The following MEGF11 variants were observed in gnomAD, a reference collection of about 807,000 sequenced individuals.
The protein encoded by MEGF11 is multiple epidermal growth factor-like domains protein 11.
MEGF11 carries 126 observed loss-of-function variants against 146.6 expected under a neutral mutation model. The observed-to-expected ratio is 0.86, with a 90% CI of 0.74 to 1.00. The LOEUF is 1.00. Ranked by LOEUF, MEGF11 falls within the 50% of genes least tolerant of loss-of-function variation. The pLI is 0.00. For missense variants in MEGF11, 1,509 were observed against 1,521.2 expected (o/e 0.99, Z 0.13); for synonymous variants, 532 against 583.4 (o/e 0.91, Z 1.27).
intron 5 of MEGF11, among the ~76,000 whole-genome samples, chr15:66,043,794 A>T (rs932897745): frequency 3.2e-4 from 48 of 152,232 alleles, no homozygotes; most frequent in African/African-American, 1.1e-3. Context: ...TTGAAGATGA[A>T]AAAGACCCAA....
chr15:65,923,043 CAG>C, intron 13 of MEGF11, 74 bp from the exon 14 acceptor site: 1 of 1,519,590 alleles, frequency 6.6e-7, no homozygotes. Context: ...GGAAGGGGGA[CAG>C]TGCAGTATGA....
chr15:66,198,484 G>GT (rs1310610694), intron 1 of MEGF11, among the ~76,000 whole-genome samples: 1 of 152,086 alleles, frequency 6.6e-6, no homozygotes, highest in Non-Finnish European at 1.5e-5. Context: ...TTTCTTTTTT[G>GT]TTTTTTGTTT....
chr15:66,015,091 C>A (rs1306137125), intron 5 of MEGF11, among the ~76,000 whole-genome samples: 1 of 152,210 alleles, frequency 6.6e-6, no homozygotes, highest in Non-Finnish European at 1.5e-5. Flanking sequence ...GATGTGCACA[C>A]TTGACTCTCA....
chr15:66,037,647 T>C (rs894132783), intron 5 of MEGF11, among the ~76,000 whole-genome samples: 5 of 152,172 alleles, frequency 3.3e-5, no homozygotes, highest in African/African-American at 7.2e-5. Flanking sequence ...GCTCTGAAAC[T>C]CAATTGGGGC....
At chr15:66,103,174 G>T (rs563396787) in intron 4 of MEGF11, among the ~76,000 whole-genome samples, 1 of 152,170 alleles carries the variant, frequency 6.6e-6, no homozygotes, top group East Asian at 1.9e-4. Flanking sequence ...GGGTCAGACC[G>T]GCAGCTGCAG....
chr15:65,918,032 T>A lies in MEGF11; in HGVS notation c.2020A>T (p.Thr674Ser). 4.3e-6 allele frequency: 7 copies of A among 1,613,972 alleles called. No individual in the cohort carries two copies. Among genetic ancestry groups the A allele is most frequent in the Non-Finnish European group, 5.9e-6 (7 of 1,179,880 alleles). Residue 674 changes from threonine to serine, a missense_variant, in exon 16 of 26, where the codon ACC (threonine) becomes TCC (serine). Coordinates refer to ENST00000395614, the MANE Select transcript of MEGF11 (RefSeq NM_001385028.1). ...CAGGAGCCATCGATAGGGCTGCAGG[T>A]CCCGTTGTTGGCACAGGAGCAGAGC... ...AQLCSCANNG[T>S]CSPIDGSCQC... is the part of the protein sequence containing the mutation.
At chr15:66,069,248 C>T (rs1273384854) in intron 5 of MEGF11, among the ~76,000 whole-genome samples, 1 of 152,192 alleles carries the variant, frequency 6.6e-6, no homozygotes, top group African/African-American at 2.4e-5. Context: ...GGAAGGAAGT[C>T]GTCACAGTGA....
chr15:66,030,364 G>C (rs333583), intron 5 of MEGF11, among the ~76,000 whole-genome samples: 1 of 152,170 alleles, frequency 6.6e-6, no homozygotes, highest in Non-Finnish European at 1.5e-5. Flanking sequence ...GTTGTATACA[G>C]GCCTCAGACC....
intron 5 of MEGF11, among the ~76,000 whole-genome samples, chr15:66,038,720 C>T (rs1243787578): frequency 1.3e-5 from 2 of 152,130 alleles, no homozygotes; most frequent in African/African-American, 4.8e-5. Context: ...AGGCTGAACC[C>T]CGGTTCTGCC....
chr15:65,992,608 G>A (rs1455610419), intron 5 of MEGF11, among the ~76,000 whole-genome samples: 2 of 151,962 alleles, frequency 1.3e-5, no homozygotes, highest in South Asian at 2.1e-4. Context: ...TGGGAAGATG[G>A]GAAAGTCAAA....
At chr15:66,069,594 C>G (rs76064469) in intron 5 of MEGF11, among the ~76,000 whole-genome samples, 1,711 of 152,274 alleles carry the variant, frequency 0.011, 31 homozygotes, top group African/African-American at 0.038. Flanking sequence ...GACCATCCTG[C>G]CTCCAGAACC....
At position 65,928,818 on chromosome 15, in the gene MEGF11, A is replaced by G. The variant is rs568914334; in HGVS notation, c.1573-291T>C. On this transcript the variant is annotated intron_variant, in intron 12 of 25. Coordinates refer to ENST00000395614, the MANE Select transcript of MEGF11 (RefSeq NM_001385028.1). ...GAGAAGGAGGTGATACTCCTGCTCT[A>G]CTTCTCAGTGGTCAAGCTCAAAGGC... 9.9e-5 allele frequency among the ~76,000 whole-genome samples: 15 copies of G among 152,100 alleles called. No individual in the cohort carries two copies. In the East Asian group the frequency reaches 1.2e-3, roughly 12 times the overall value.
chr15:66,107,366 C>T (rs541496509), intron 4 of MEGF11, among the ~76,000 whole-genome samples: 4 of 152,314 alleles, frequency 2.6e-5, no homozygotes, highest in Admixed American at 6.5e-5. Flanking sequence ...ATTTGGGGAC[C>T]GGCATGCCCA....
intron 1 of MEGF11, among the ~76,000 whole-genome samples, chr15:66,190,957 A>G (rs2090853344): frequency 6.8e-6 from 1 of 147,036 alleles, no homozygotes. Context: ...CCAACCTAAC[A>G]TCAGGCTTCA....
intron 5 of MEGF11, among the ~76,000 whole-genome samples, chr15:66,005,373 A>G (rs896763121): frequency 5.3e-5 from 8 of 152,214 alleles, no homozygotes; most frequent in Non-Finnish European, 1.0e-4. Context: ...TCATCTGCCA[A>G]GTGGAGATCA....
chr15:66,039,662 C>T (rs541320673), intron 5 of MEGF11, among the ~76,000 whole-genome samples: 23 of 152,294 alleles, frequency 1.5e-4, no homozygotes, highest in African/African-American at 5.1e-4. Context: ...CTTTCTCCAC[C>T]GGACTACATC....
intron 5 of MEGF11, among the ~76,000 whole-genome samples, chr15:66,041,089 T>A (rs2083956001): frequency 6.6e-6 from 1 of 152,282 alleles, no homozygotes; most frequent in South Asian, 2.1e-4. Flanking sequence ...CATGAATGAC[T>A]GCATGGCAAA....
At chr15:66,240,900 T>G (rs539485271) in intron 1 of MEGF11, among the ~76,000 whole-genome samples, 1 of 152,298 alleles carries the variant, frequency 6.6e-6, no homozygotes, top group African/African-American at 2.4e-5. Context: ...GAAATATTAT[T>G]AAGTATGTAT....
rs1338361458 is a variant in MEGF11 at position 65,957,491 on chromosome 15, AG to A, written c.1287+55del. 3 of 1,535,092 alleles carry A rather than the reference AG, an allele frequency of 2.0e-6. No homozygotes were observed. The African/African-American group carries it at 4.1e-5, about 21-fold the overall frequency. On this transcript the variant is annotated intron_variant, in intron 10 of 25. Transcript: ENST00000395614. ...ACAGTCCTGATTGCACCAGGAGGTG[AG>A]GGGAACTGGCCCGGTGGAGGTCAGG...
Sources: allele counts gnomAD v4.1 joint callset (sites outside exome capture counted in the v4.1 genomes callset), GRCh38; gene constraint gnomAD v4.1.1; transcripts MANE v1.5; gene names NCBI Gene and HGNC (gene_info 2026-07-23, HGNC 2026-07-21).